Variants in DNAH5 observed in about 807,000 individuals in gnomAD.
DNAH5 encodes the protein dynein axonemal heavy chain 5, also known as axonemal beta dynein heavy chain 5.
A neutral mutation model predicts 518.2 loss-of-function variants in DNAH5; 372 were observed. That is an observed-to-expected ratio of 0.72 (90% CI 0.66 to 0.78). The LOEUF is 0.78. Among genes scored for constraint, DNAH5 ranks in the 30% least tolerant of loss-of-function variants. The pLI, the probability that DNAH5 is intolerant of heterozygous loss-of-function variation, is 0.00. For missense variants in DNAH5, 5,523 were observed against 5,687.0 expected, an observed-to-expected ratio of 0.97 and a Z score of 0.93; for synonymous variants, 2,039 against 2,025.9, an observed-to-expected ratio of 1.01 and a Z score of -0.17.
chr5:13,858,349 A>G (rs887717886), intron 30 of DNAH5, among the ~76,000 whole-genome samples: 6 of 152,196 alleles, frequency 3.9e-5, no homozygotes, highest in Admixed American at 1.3e-4. Context: ...GTTCTCACTC[A>G]TAAGTGGGAG....
intron 65 of DNAH5, among the ~76,000 whole-genome samples, chr5:13,749,405 C>A (rs1223809085): frequency 6.6e-6 from 1 of 152,174 alleles, no homozygotes; most frequent in Non-Finnish European, 1.5e-5. Context: ...GGTCCTGCAT[C>A]CATACTGGCT....
At chr5:13,868,302 G>C (rs1024258088) in intron 24 of DNAH5, among the ~76,000 whole-genome samples, 1 of 152,088 alleles carries the variant, frequency 6.6e-6, no homozygotes, top group Non-Finnish European at 1.5e-5. Context: ...TTTTTACTTA[G>C]GCCCCCAAAT....
rs753397685 is a variant in DNAH5 at position 13,867,884 on chromosome 5, C to T, written c.3943G>A (p.Glu1315Lys). 1.5e-5 allele frequency: 25 copies of T among 1,613,930 alleles called. No individual in the cohort carries two copies. Among genetic ancestry groups the T allele is most frequent in the South Asian group, 5.5e-5 (5 of 91,080 alleles). Reference sequence around the variant, plus strand: ...AGTGAGACTAATTTATTCTGGACTTCGCCAGCACGTGCCAGCAGCTTCTCC... The same window carrying T: ...AGTGAGACTAATTTATTCTGGACTTTGCCAGCACGTGCCAGCAGCTTCTCC... ...AWEKLLARAGEVQNKLVSLQP... is the reference protein window; with the variant it reads ...AWEKLLARAGKVQNKLVSLQP... Residue 1315 changes from glutamate (E) to lysine (K), a missense_variant, in exon 25 of 79, where the codon GAA (glutamate) becomes AAA (lysine). Physicochemically the swap from Glu to Lys is moderately conservative, Grantham distance 56. Transcript: ENST00000265104.
intron 27 of DNAH5, among the ~76,000 whole-genome samples, chr5:13,865,346 G>A (rs1012806773): frequency 3.3e-5 from 5 of 151,972 alleles, no homozygotes; most frequent in African/African-American, 1.2e-4. Flanking sequence ...AAAATCATGG[G>A]CCCCTGCTTT....
intron 63 of DNAH5, 138 bp downstream of exon 63, chr5:13,753,095 G>C: frequency 1.5e-6 from 1 of 650,824 alleles, no homozygotes; most frequent in Non-Finnish European, 2.7e-6. Context: ...TTAGATTTAA[G>C]CTTGCATCTG....
intron 1 of DNAH5, among the ~76,000 whole-genome samples, chr5:13,979,073 C>T (rs187446723): frequency 1.7e-4 from 26 of 152,076 alleles, no homozygotes; most frequent in African/African-American, 4.6e-4. Context: ...TAGTTCCTTC[C>T]CCCTGCTGGT....
intron 78 of DNAH5, among the ~76,000 whole-genome samples, chr5:13,695,501 T>C (rs971988728): frequency 4.6e-5 from 7 of 152,314 alleles, no homozygotes; most frequent in Non-Finnish European, 7.3e-5. Context: ...TACGAGGACA[T>C]GTAAACACAG....
intron 10 of DNAH5, among the ~76,000 whole-genome samples, chr5:13,914,246 A>T (rs1272852140): frequency 1.3e-5 from 2 of 152,008 alleles, no homozygotes; most frequent in East Asian, 3.9e-4. Context: ...CTCTCCATTC[A>T]TCTTAAAGAT....
chr5:13,806,089 C>T (rs1580342134), intron 47 of DNAH5, among the ~76,000 whole-genome samples: 1 of 152,026 alleles, frequency 6.6e-6, no homozygotes, highest in East Asian at 1.9e-4. Flanking sequence ...AACCTTTATC[C>T]TCAAATAATG....
chr5:13,895,701 C>T (rs181873548), intron 15 of DNAH5, among the ~76,000 whole-genome samples: 8 of 152,188 alleles, frequency 5.3e-5, no homozygotes, highest in African/African-American at 1.7e-4. Context: ...AACACATTTA[C>T]GTCTCCAGCC....
At chr5:13,766,224 A>T in intron 58 of DNAH5, 45 bp from the exon 59 acceptor site, 1 of 1,604,868 alleles carries the variant, frequency 6.2e-7, no homozygotes, top group Non-Finnish European at 8.5e-7. Context: ...ATAGGAAAGC[A>T]CAGACAAGCA....
chr5:13,930,286 A>T (rs1778294172), intron 2 of DNAH5, among the ~76,000 whole-genome samples: 1 of 152,136 alleles, frequency 6.6e-6, no homozygotes, highest in Non-Finnish European at 1.5e-5. Flanking sequence ...CGTTAACATG[A>T]TGATAGTAGT....
intron 78 of DNAH5, among the ~76,000 whole-genome samples, chr5:13,698,793 C>T (rs747028749): frequency 6.6e-5 from 10 of 152,232 alleles, no homozygotes; most frequent in Admixed American, 6.5e-5. Flanking sequence ...GGCACAGCCT[C>T]ACCTTGTTTG....
chr5:13,720,050 A>G (rs1561108389), intron 71 of DNAH5, among the ~76,000 whole-genome samples: 1 of 151,948 alleles, frequency 6.6e-6, no homozygotes, highest in Non-Finnish European at 1.5e-5. Context: ...GTGTTTTTCT[A>G]TAACCCATCT....
chr5:13,937,393 C>A (rs1336865555), intron 1 of DNAH5, among the ~76,000 whole-genome samples: 1 of 150,936 alleles, frequency 6.6e-6, no homozygotes, highest in African/African-American at 2.4e-5. Context: ...TACCCAGGTG[C>A]TTCCAGCTGG....
In DNAH5 at chr5:13,792,107, T is replaced by G. The variant is rs959834182; in HGVS notation, c.8335A>C (p.Ile2779Leu). The G allele has an allele frequency of 3.1e-6, 5 of 1,613,966 alleles. No homozygotes were observed. The highest frequency in any genetic ancestry group is 2.5e-6 in the Non-Finnish European group (3 of 1,179,998). Residue 2779 changes from isoleucine to leucine, a missense_variant, in exon 50 of 79, where the codon ATT becomes CTT. Transcript: ENST00000265104. ...TTTGCAGGGGTAGGAAGCATTTTAA[T>G]CTTGGTCATCTGCCATAGTCGGCGT... is the stretch of plus-strand genomic sequence containing the variant. ...LTRRLWQMTK[I>L]KMLPTPAKFH...
Position 13,809,157 on chromosome 5 carries a change from G to A in DNAH5, c.7639C>T (p.Gln2547Ter), listed in dbSNP as rs1248109464. Reference sequence around the variant, plus strand: ...GTATCAGACGGATACAGGTATTCCTGGGTACGCGTGTTCCAGTGCGTCCAT... The same window carrying A: ...GTATCAGACGGATACAGGTATTCCTAGGTACGCGTGTTCCAGTGCGTCCAT... ...GTWTHWNTRTQEYLYPSDTTP... is the reference protein window; with the variant it reads ...GTWTHWNTRT The change falls in exon 46 of 79, where the codon CAG becomes TAG. Residue 2547 changes from glutamine to a stop codon, truncating the protein, a stop_gained. Coordinates refer to ENST00000265104, the MANE Select transcript of DNAH5 (RefSeq NM_001369.3). LOFTEE classifies it high-confidence loss of function. 1 of 1,614,168 alleles carries A rather than the reference G, an allele frequency of 6.2e-7. No homozygotes were observed. Among genetic ancestry groups the A allele is most frequent in the Admixed American group, 1.7e-5 (1 of 60,018 alleles).
chr5:13,927,382 C>T lies in DNAH5; in HGVS notation c.277+712G>A, dbSNP rs574932011. 4.8e-3 allele frequency among the ~76,000 whole-genome samples: 733 copies of T among 152,194 alleles called. 3 individuals are homozygous for T. Among genetic ancestry groups the T allele is most frequent in the African/African-American group, 0.017 (707 of 41,532 alleles). The stretch of plus-strand genomic sequence containing the variant: ...TGGCGCGCACCTGTAGTCCCAGCTA[C>T]AGGCTGGGACTGTACTTTGGGAGGC... On this transcript the variant is annotated intron_variant, in intron 3 of 78. Transcript: ENST00000265104.
Position 13,702,482 on chromosome 5 carries a change from G to A in DNAH5, c.13339-1046C>T, listed in dbSNP as rs79900347. On this transcript the variant is annotated intron_variant, in intron 76 of 78. Coordinates refer to ENST00000265104, the MANE Select transcript of DNAH5 (RefSeq NM_001369.3). ...TGAGGGCAGAGGGAGCCGCTAATGA[G>A]AGAGTGCCCCTGACAGGGATTCCTG... 2.2e-3 allele frequency among the ~76,000 whole-genome samples: 340 copies of A among 152,318 alleles called. 8 individuals carry two copies. In the East Asian group the frequency reaches 0.046, roughly 21 times the overall value.
Sources: gnomAD v4.1 joint callset for allele counts (sites outside exome capture counted in the v4.1 genomes callset) on GRCh38, gnomAD v4.1.1 for gene constraint, MANE v1.5 for transcripts, NCBI Gene and HGNC (gene_info 2026-07-23, HGNC 2026-07-21) for gene names.